Variants in NKAIN4 observed in about 807,000 individuals in gnomAD.
The protein encoded by NKAIN4 is sodium/potassium-transporting ATPase subunit beta-1-interacting protein 4.
A neutral mutation model predicts 28.8 loss-of-function variants in NKAIN4; 28 were observed. The ratio of observed to expected loss-of-function variants is 0.97; its 90% CI spans 0.72 to 1.33. NKAIN4 has a LOEUF of 1.33. NKAIN4 is among the 40% of genes most tolerant of loss of function. The probability of loss-of-function intolerance (pLI) is 0.00; values close to 1 mark genes in which losing one functional copy is unlikely to be tolerated. For missense variants in NKAIN4, 289 were observed against 277.2 expected (o/e 1.04, Z -0.30); for synonymous variants, 122 against 115.6 (o/e 1.06, Z -0.36).
chr20:63,247,867 C>T, intron 3 of NKAIN4, 92 bp from the exon 4 acceptor site: 1 of 1,391,800 alleles, frequency 7.2e-7, no homozygotes, highest in Non-Finnish European at 9.3e-7. Flanking sequence ...CACACCGAGG[C>T]AAGGGGAGGT....
chr20:63,254,487 C>T, upstream of NKAIN4: 2 of 1,282,886 alleles, frequency 1.6e-6, no homozygotes, highest in Non-Finnish European at 9.9e-7. Context: ...GGGTGCCCCG[C>T]GCTCGGCCCC....
At position 63,241,410 on chromosome 20, in the gene NKAIN4, C is replaced by T. The variant is rs138237019; in HGVS notation, c.*87G>A. 1.0e-4 allele frequency: 149 copies of T among 1,436,556 alleles called. 1 individual carries two copies. In the East Asian group the frequency reaches 3.6e-3, roughly 35 times the overall value. 89.0% of individuals were successfully genotyped at this position (1,436,556 alleles called of 1,614,324 possible). ...GCCTGGGGGGTGCTGGGTGGGGGCG[C>T]GTCCCAAGGCCTGGGAGCTCCTGTC... is the stretch of plus-strand genomic sequence containing the variant. On this transcript the variant is annotated 3_prime_UTR_variant, in exon 7 of 7. Coordinates refer to ENST00000370316, the MANE Select transcript of NKAIN4 (RefSeq NM_152864.4).
chr20:63,247,418 G>C, intron 4 of NKAIN4, 160 bp downstream of exon 4: 2 of 1,537,634 alleles, frequency 1.3e-6, no homozygotes, highest in Non-Finnish European at 1.7e-6. Context: ...GGACCCACCC[G>C]TGATACCTTA....
chr20:63,251,852 G>A (rs2066965810), intron 1 of NKAIN4, among the ~76,000 whole-genome samples: 2 of 152,102 alleles, frequency 1.3e-5, no homozygotes, highest in African/African-American at 4.8e-5. Flanking sequence ...CACCTGGGTG[G>A]CTAGCCGCCC....
At chr20:63,253,784 C>T (rs2067003202) in intron 1 of NKAIN4, among the ~76,000 whole-genome samples, 1 of 152,180 alleles carries the variant, frequency 6.6e-6, no homozygotes, top group Non-Finnish European at 1.5e-5. Flanking sequence ...GCGCCCCGGG[C>T]ATCGGCTCCA....
rs758208335 is a variant in NKAIN4 at position 63,247,769 on chromosome 20, C to G, written c.280G>C (p.Glu94Gln). The change falls in exon 4 of 7, where the codon GAG becomes CAG. Residue 94 changes from glutamate to glutamine, a missense_variant. By Grantham distance (29) the Glu-to-Gln change is conservative (BLOSUM62 2). Coordinates refer to ENST00000370316, the MANE Select transcript of NKAIN4 (RefSeq NM_152864.4). ...LEVGGLLKDS[E>Q]LLTFSLSRHR... ...CGGGAGAGGCTGAAGGTCAGTAGCT[C>G]GCTGTCCTAGGGGAGAGGTGCAGGA... The G allele has an allele frequency of 2.1e-5, 30 of 1,460,284 alleles. No homozygotes were observed. The highest frequency in any genetic ancestry group is 1.0e-4 in the Admixed American group (4 of 39,288). 90.5% of individuals were successfully genotyped at this position (1,460,284 alleles called of 1,614,324 possible).
In NKAIN4 at chr20:63,247,782, G is replaced by T; in HGVS notation, c.274-7C>A. ...AGGTCAGTAGCTCGCTGTCCTAGGG[G>T]AGAGGTGCAGGAGCAGGGCCGGTTA... On this transcript the variant is annotated splice_region_variant and splice_polypyrimidine_tract_variant and intron_variant, in intron 3 of 6. Coordinates refer to ENST00000370316, the MANE Select transcript of NKAIN4 (RefSeq NM_152864.4). 9 of 1,447,634 alleles carry T rather than the reference G, an allele frequency of 6.2e-6. No homozygotes were observed. The highest frequency in any genetic ancestry group is 8.2e-6 in the Non-Finnish European group (9 of 1,096,034). The allele number at this position is 1,447,634 out of a possible 1,614,324, so 89.7% of individuals were successfully genotyped here.
intron 4 of NKAIN4, 52 bp downstream of exon 4, chr20:63,247,526 C>A: frequency 4.5e-6 from 7 of 1,547,762 alleles, no homozygotes; most frequent in Non-Finnish European, 6.1e-6. Flanking sequence ...AGCTCCATGT[C>A]CCCTCCCCCA....
intron 4 of NKAIN4, chr20:63,247,343 C>G (rs984983383): frequency 1.3e-6 from 2 of 1,484,228 alleles, no homozygotes; most frequent in East Asian, 5.1e-5. Context: ...CTTGAGAAAG[C>G]GCCTGGGTTG....
chr20:63,241,385 G>C lies in NKAIN4; in HGVS notation c.*112C>G, dbSNP rs1348500153. 8.4e-7 allele frequency: 1 copy of C among 1,187,470 alleles called. No homozygotes were observed. Among genetic ancestry groups the C allele is most frequent in the Non-Finnish European group, 1.2e-6 (1 of 818,726 alleles). 73.6% of individuals were successfully genotyped at this position (1,187,470 alleles called of 1,614,324 possible). A position where few individuals can be genotyped will look rare whatever the true frequency, so the allele number is the denominator to read the frequency against. On this transcript the variant is annotated 3_prime_UTR_variant, in exon 7 of 7. Coordinates refer to ENST00000370316, the MANE Select transcript of NKAIN4 (RefSeq NM_152864.4). ...GAACCCAGGGCAGGTGCTGCCGGCCGCCTGGGGGGTGCTGGGTGGGGGCGC... is the reference window on the plus strand; with the variant it reads ...GAACCCAGGGCAGGTGCTGCCGGCCCCCTGGGGGGTGCTGGGTGGGGGCGC...
chr20:63,243,753 G>T (rs1328535010), intron 5 of NKAIN4: 4 of 365,916 alleles, frequency 1.1e-5, no homozygotes, highest in African/African-American at 2.1e-5. Flanking sequence ...CCACTGCGGG[G>T]ATCATGAGGG....
At chr20:63,247,327 G>A (rs1199877437) in intron 4 of NKAIN4, 41 of 1,448,028 alleles carry the variant, frequency 2.8e-5, no homozygotes, top group Admixed American at 6.8e-5. Context: ...CAAACACCAC[G>A]CTCAACTTGA....
At chr20:63,248,008 A>G in intron 3 of NKAIN4, 1 of 461,610 alleles carries the variant, frequency 2.2e-6, no homozygotes, top group Non-Finnish European at 3.6e-6. Context: ...CTCCTCCTCC[A>G]GGAAGGCCTC....
rs576868651 is a variant in NKAIN4 at position 63,241,167 on chromosome 20, C to T, written c.*330G>A. ...GTGGGCACCTGAGGGAGGGGCTCCT[C>T]GACGAGACGACAGCCTGGGGGCAGA... On this transcript the variant is annotated 3_prime_UTR_variant, in exon 7 of 7. Transcript: ENST00000370316. 6.0e-6 allele frequency: 2 copies of T among 330,810 alleles called. No individual in the cohort carries two copies. The highest frequency in any genetic ancestry group is 2.2e-5 in the African/African-American group (1 of 45,034). The allele number at this position is 330,810 out of a possible 1,614,324, so 20.5% of individuals were successfully genotyped here. A position where few individuals can be genotyped will look rare whatever the true frequency, so the allele number is the denominator to read the frequency against.
chr20:63,244,768 AG>A (rs374292427), intron 4 of NKAIN4, among the ~76,000 whole-genome samples: 50 of 152,250 alleles, frequency 3.3e-4, no homozygotes, highest in African/African-American at 1.1e-3. Context: ...GCTCTGGCAA[AG>A]GGGGGGCAGT....
chr20:63,254,153 T>C, intron 1 of NKAIN4: 1 of 422,508 alleles, frequency 2.4e-6, no homozygotes, highest in Non-Finnish European at 4.2e-6. Context: ...TCCCCGCCGC[T>C]CCGGACCCGC....
In NKAIN4 at chr20:63,241,451, T is replaced by G. The variant is rs907765996; in HGVS notation, c.*46A>C. On this transcript the variant is annotated 3_prime_UTR_variant, in exon 7 of 7. Transcript: ENST00000370316. ...AGCTCCTGTCATTGTCACTGGTCGG[T>G]CGCTGAGGCTGGAGGCCACAGGAGC... 3.9e-6 allele frequency: 6 copies of G among 1,549,484 alleles called. 1 individual carries two copies. The Admixed American group carries it at 7.8e-5, about 20-fold the overall frequency.
intron 2 of NKAIN4, 51 bp downstream of exon 2, chr20:63,249,884 C>CGG: frequency 6.4e-7 from 1 of 1,560,086 alleles, no homozygotes; most frequent in Non-Finnish European, 8.7e-7. Flanking sequence ...AGCCGCCATC[C>CGG]TGGTCACCTC....
chr20:63,247,065 C>G lies in NKAIN4; in HGVS notation c.471+513G>C, dbSNP rs561574844. ...GCCACAGAATCCCTGTCCGGTCAGA[C>G]CTGGGTCACGTGGCGCCAGCCTTGC... On this transcript the variant is annotated intron_variant, in intron 4 of 6. Coordinates refer to ENST00000370316, the MANE Select transcript of NKAIN4 (RefSeq NM_152864.4). 9.2e-5 allele frequency: 95 copies of G among 1,027,590 alleles called. 1 individual carries two copies. The East Asian group carries it at 8.4e-3, about 90-fold the overall frequency. 63.7% of individuals were successfully genotyped at this position (1,027,590 alleles called of 1,614,324 possible).
Sources: gnomAD v4.1 joint callset for allele counts (sites outside exome capture counted in the v4.1 genomes callset) on GRCh38, gnomAD v4.1.1 for gene constraint, MANE v1.5 for transcripts, NCBI Gene and HGNC (gene_info 2026-07-23, HGNC 2026-07-21) for gene names.